Variants in LARP1 observed in about 807,000 individuals in gnomAD.
The protein encoded by LARP1 is la-related protein 1.
In LARP1, 36 loss-of-function variants were observed where a neutral mutation model predicts 122.7. The ratio of observed to expected loss-of-function variants is 0.29; its 90% confidence interval spans 0.22 to 0.39. The LOEUF is 0.39. Ranked by LOEUF, LARP1 falls within the 10% of genes least tolerant of loss-of-function variation. The pLI, the probability that LARP1 is intolerant of heterozygous loss-of-function variation, is 1.00. For missense variants in LARP1, 1,040 were observed against 1,403.6 expected, an observed-to-expected ratio of 0.74 and a Z score of 4.14; for synonymous variants, 539 against 528.7, an observed-to-expected ratio of 1.02 and a Z score of -0.27.
intron 1 of LARP1, among the ~76,000 whole-genome samples, chr5:154,736,724 T>G (rs1756925937): frequency 1.3e-5 from 2 of 151,044 alleles, no homozygotes; most frequent in African/African-American, 4.9e-5. Flanking sequence ...TGCCATCACG[T>G]CTGGCTAATT....
In LARP1 at chr5:154,733,664, G is replaced by C. The variant is rs550126140; in HGVS notation, c.205+20534G>C. Among the ~76,000 whole-genome samples, 15 of 151,928 alleles carry C rather than the reference G, an allele frequency of 9.9e-5. No individual in the cohort carries two copies. In the East Asian group the frequency reaches 2.1e-3, roughly 22 times the overall value. ...TGCAACCTCTGCCTTCCAGGTTCAA[G>C]CTATTCTCCTGCCTTAGCCTCCTGC... On this transcript the variant is annotated intron_variant, in intron 1 of 18. Transcript: ENST00000336314.
In LARP1 at chr5:154,794,209, C is replaced by T. The variant is rs760336037; in HGVS notation, c.1179C>T (p.Thr393=). Residue 393 remains threonine, a synonymous_variant, in exon 7 of 19, where the codon ACC becomes ACT. Coordinates refer to ENST00000518297, the MANE Select transcript of LARP1 (RefSeq NM_033551.3). ...ITYYFDNVSS[T]ELYSVDQELL... is the part of the protein sequence containing the mutation. The stretch of plus-strand genomic sequence containing the variant: ...ACTACTTTGACAATGTCAGCAGCAC[C>T]GAGCTTTACAGTGTGGATCAGGAAC... The T allele has an allele frequency of 1.9e-5, 31 of 1,614,064 alleles. No homozygotes were observed. The African/African-American group carries it at 2.0e-4, about 10-fold the overall frequency.
At position 154,760,147 on chromosome 5, in the gene LARP1, A is replaced by G. The variant is rs183033851; in HGVS notation, c.436+3954A>G. ...AGAACGGGGTTTCTCCATGTTGGTC[A>G]GGCTGGTCTCAAACTCCCGACCTCA... On this transcript the variant is annotated intron_variant, in intron 1 of 18. Transcript: ENST00000518297. 5.3e-5 allele frequency among the ~76,000 whole-genome samples: 8 copies of G among 152,286 alleles called. No homozygotes were observed. The East Asian group carries it at 1.5e-3, about 29-fold the overall frequency.
chr5:154,805,549 G>A (rs1244218608), intron 14 of LARP1, among the ~76,000 whole-genome samples: 1 of 152,216 alleles, frequency 6.6e-6, no homozygotes, highest in Non-Finnish European at 1.5e-5. Flanking sequence ...GACCCATGAT[G>A]GCTCATTAAA....
chr5:154,789,222 T>C (rs1356003073), intron 1 of LARP1, among the ~76,000 whole-genome samples: 1 of 141,136 alleles, frequency 7.1e-6, no homozygotes, highest in East Asian at 2.0e-4. Flanking sequence ...AAACAAACTT[T>C]TTTTTTTTTT....
At position 154,803,053 on chromosome 5, in the gene LARP1, C is replaced by T. The variant is rs1193493487; in HGVS notation, c.2110-237C>T. ...TGAGGAGCTACTGTCAGCCTGATCTCAGTCTTACTACAGGGAGGGCAGGGC... is the reference window on the plus strand; with the variant it reads ...TGAGGAGCTACTGTCAGCCTGATCTTAGTCTTACTACAGGGAGGGCAGGGC... On this transcript the variant is annotated intron_variant, in intron 11 of 18. Transcript: ENST00000518297. This position sits in a 1 kb window ranked among gnomAD's most constrained non-coding sequence, Gnocchi z 4.4. 6.6e-6 allele frequency among the ~76,000 whole-genome samples: 1 copy of T among 152,180 alleles called. No homozygotes were observed. The highest frequency in any genetic ancestry group is 1.5e-5 in the Non-Finnish European group (1 of 68,036).
At chr5:154,795,057 G>A in intron 7 of LARP1, 118 bp from the exon 8 acceptor site, 1 of 930,480 alleles carries the variant, frequency 1.1e-6, no homozygotes, top group South Asian at 1.5e-5. Flanking sequence ...ATAGGATAAG[G>A]ATGGGGTAGG....
chr5:154,795,414 C>T, intron 8 of LARP1, 95 bp downstream of exon 8: 1 of 1,263,080 alleles, frequency 7.9e-7, no homozygotes, highest in Non-Finnish European at 1.1e-6. Context: ...GAAGAGTCAT[C>T]ATCTGATGAC....
chr5:154,690,810 G>T (rs943722725), intron 1 of LARP1, among the ~76,000 whole-genome samples: 6 of 152,248 alleles, frequency 3.9e-5, no homozygotes, highest in African/African-American at 1.4e-4. Context: ...GGCGCCTGGA[G>T]CCCGTTTCCA....
chr5:154,790,360 G>C lies in LARP1; in HGVS notation c.472G>C (p.Val158Leu), dbSNP rs772338891. ...SAPAKVVRAAVPKQRKGSKVG... is the reference protein window; with the variant it reads ...SAPAKVVRAALPKQRKGSKVG... ...TCCAGCCAAGGTGGTGAGGGCAGCT[G>C]TTCCTAAACAGCGCAAAGGCAGCAA... The change falls in exon 2 of 19, where the codon GTT becomes CTT. Residue 158 changes from valine to leucine, a missense_variant. This residue lies in a region of LARP1 where 257 missense variants were observed against 273.3 expected (regional missense o/e 0.94). Transcript: ENST00000518297. 1 of 1,613,686 alleles carries C rather than the reference G, an allele frequency of 6.2e-7. No homozygotes were observed. The highest frequency in any genetic ancestry group is 1.3e-5 in the African/African-American group (1 of 74,906).
At position 154,805,871 on chromosome 5, in the gene LARP1, G is replaced by A. The variant is rs1164503766; in HGVS notation, c.2547-10G>A. On this transcript the variant is annotated splice_polypyrimidine_tract_variant and intron_variant, in intron 14 of 18. Coordinates refer to ENST00000518297, the MANE Select transcript of LARP1 (RefSeq NM_033551.3). ...GAACCTGGTGACAGTATTTTTTGTG[G>A]TTTCTGTAGCTCCAGCCCCTCAGAA... 1.2e-6 allele frequency: 2 copies of A among 1,610,396 alleles called. No individual in the cohort carries two copies. Among genetic ancestry groups the A allele is most frequent in the Middle Eastern group, 1.7e-4 (1 of 5,870 alleles).
At chr5:154,809,249 G>A (rs1261802770) in intron 16 of LARP1, among the ~76,000 whole-genome samples, 2 of 151,008 alleles carry the variant, frequency 1.3e-5, no homozygotes, top group Admixed American at 1.3e-4. Flanking sequence ...AGGATCACTT[G>A]AGCCCAGGAG....
At chr5:154,765,976 A>G (rs1196278820) in intron 1 of LARP1, among the ~76,000 whole-genome samples, 1 of 151,726 alleles carries the variant, frequency 6.6e-6, no homozygotes, top group Non-Finnish European at 1.5e-5. Flanking sequence ...GGGAATCCCA[A>G]AGTATGGAAT....
chr5:154,813,738 C>T (rs759797786), intron 18 of LARP1, 149 bp from the exon 19 acceptor site: 12 of 695,294 alleles, frequency 1.7e-5, no homozygotes, highest in Middle Eastern at 4.2e-4. Flanking sequence ...CATGAAGAAA[C>T]GCTTAATAAC....
intron 1 of LARP1, among the ~76,000 whole-genome samples, chr5:154,728,339 T>C (rs1334974522): frequency 3.3e-5 from 5 of 152,206 alleles, no homozygotes; most frequent in African/African-American, 7.2e-5. Flanking sequence ...TAGTGTGACT[T>C]TGCCACTCTT....
chr5:154,791,363 A>G (rs2113772549), intron 3 of LARP1, among the ~76,000 whole-genome samples: 1 of 151,402 alleles, frequency 6.6e-6, no homozygotes, highest in East Asian at 2.0e-4. Flanking sequence ...ACAGGCACCC[A>G]CCATCATGCC....
chr5:154,709,202 A>G (rs1755096852), upstream of LARP1, among the ~76,000 whole-genome samples: 1 of 152,246 alleles, frequency 6.6e-6, no homozygotes, highest in South Asian at 2.1e-4. Flanking sequence ...CCAATAGTAA[A>G]GGCTTCTTAG....
intron 1 of LARP1, among the ~76,000 whole-genome samples, chr5:154,772,045 C>T (rs945464974): frequency 1.3e-5 from 2 of 152,156 alleles, no homozygotes; most frequent in Non-Finnish European, 2.9e-5. Context: ...AAAACAACCC[C>T]TTGGTAATCT....
intron 8 of LARP1, 86 bp from the exon 9 acceptor site, chr5:154,799,505 C>T: frequency 6.2e-6 from 9 of 1,445,436 alleles, no homozygotes; most frequent in Non-Finnish European, 8.6e-6. Flanking sequence ...ATACCAAGCT[C>T]AGGGGAACCC....
Sources: gnomAD v4.1 joint callset for allele counts (sites outside exome capture counted in the v4.1 genomes callset) on GRCh38, gnomAD v4.1.1 for gene constraint, gnomAD v4.1.1 regional missense constraint, Gnocchi (gnomAD v3.1) non-coding constraint, MANE v1.5 for transcripts, NCBI Gene and HGNC (gene_info 2026-07-23, HGNC 2026-07-21) for gene names.